The following TNRC6A variants were observed in gnomAD, a reference collection of about 807,000 sequenced individuals.
TNRC6A encodes the protein trinucleotide repeat-containing gene 6A protein.
TNRC6A carries 44 observed loss-of-function variants against 221.2 expected under a neutral mutation model. The observed-to-expected ratio is 0.20, with a 90% CI of 0.16 to 0.26. The LOEUF is 0.26. Ranked by LOEUF, TNRC6A falls within the 10% of genes least tolerant of loss-of-function variation. TNRC6A has a pLI of 1.00. For synonymous variants in TNRC6A, 847 were observed against 838.5 expected (o/e 1.01, Z -0.18); for missense variants, 2,199 against 2,404.4 (o/e 0.91, Z 1.79).
chr16:24,815,864 A>G (rs1002855400), intron 19 of TNRC6A: 1 of 157,152 alleles, frequency 6.4e-6, no homozygotes, highest in Admixed American at 6.0e-5. Flanking sequence ...AAAAACTTTA[A>G]TTCGCTGTTT....
At chr16:24,623,738 A>T (rs901611441) in intron 1 of TNRC6A, among the ~76,000 whole-genome samples, 2 of 151,576 alleles carry the variant, frequency 1.3e-5, no homozygotes, top group Non-Finnish European at 2.9e-5. Flanking sequence ...AAAAATTAAA[A>T]TAAAATAAAA....
intron 18 of TNRC6A, among the ~76,000 whole-genome samples, chr16:24,814,401 T>TTTC (rs1555510312): frequency 4.5e-4 from 57 of 125,610 alleles, no homozygotes; most frequent in Non-Finnish European, 7.2e-4. Context: ...TTCTTTTCTT[T>TTTC]TTTTTTTCTT....
At chr16:24,738,848 T>G (rs1303521745) in intron 2 of TNRC6A, among the ~76,000 whole-genome samples, 2 of 152,178 alleles carry the variant, frequency 1.3e-5, no homozygotes, top group Non-Finnish European at 2.9e-5. Context: ...GTTTAACTTT[T>G]GTTTGTGTTG....
chr16:24,766,755 C>A (rs189214243), intron 4 of TNRC6A, among the ~76,000 whole-genome samples: 1 of 149,058 alleles, frequency 6.7e-6, no homozygotes, highest in African/African-American at 2.5e-5. Context: ...CAGCTCACTG[C>A]AACCTCCACC....
rs142756394 is a variant in TNRC6A, at chr16:24,663,875, A to G, written n.402+22866A>G. 1,157 of 455,862 alleles carry G rather than the reference A, an allele frequency of 2.5e-3. 11 individuals are homozygous for G. Among genetic ancestry groups the G allele is most frequent in the African/African-American group, 0.02 (983 of 50,178 alleles). The allele number at this position is 455,862 out of a possible 1,614,324, so 28.2% of individuals were successfully genotyped here. The stretch of plus-strand genomic sequence containing the variant: ...TACCCGGCATGGCCCAAGGCCCCAG[A>G]TATACAGAAGCCCTCTTATCAGGCA... On this transcript the variant is annotated intron_variant and non_coding_transcript_variant, in intron 2 of 2. Coordinates refer to the TNRC6A transcript ENST00000566108.
chr16:24,764,672 G>A (rs1228357690), intron 4 of TNRC6A, among the ~76,000 whole-genome samples: 3 of 151,906 alleles, frequency 2.0e-5, no homozygotes, highest in African/African-American at 4.8e-5. Context: ...TCCATATCTT[G>A]GCCATTGTGA....
At chr16:24,669,911 T>C (rs1384977667) in intron 2 of TNRC6A, among the ~76,000 whole-genome samples, 4 of 149,154 alleles carry the variant, frequency 2.7e-5, no homozygotes. Context: ...CCACTCATTT[T>C]GTTCTCGTTA....
intron 5 of TNRC6A, among the ~76,000 whole-genome samples, chr16:24,780,914 T>C (rs2057827915): frequency 1.3e-5 from 2 of 152,120 alleles, no homozygotes; most frequent in Non-Finnish European, 1.5e-5. Flanking sequence ...CATTGGGCTT[T>C]TAGCACGGTG....
chr16:24,723,016 G>A (rs1483426234), intron 2 of TNRC6A, among the ~76,000 whole-genome samples: 2 of 152,100 alleles, frequency 1.3e-5, no homozygotes, highest in Non-Finnish European at 2.9e-5. Context: ...GGTCCATATA[G>A]GGTGTTGGTT....
At chr16:24,679,874 G>T (rs2055496665) in intron 2 of TNRC6A, among the ~76,000 whole-genome samples, 1 of 152,092 alleles carries the variant, frequency 6.6e-6, no homozygotes, top group Non-Finnish European at 1.5e-5. Flanking sequence ...CTCCCAAAGT[G>T]CTGAGATTAC....
At chr16:24,777,870 G>C (rs556502943) in intron 5 of TNRC6A, among the ~76,000 whole-genome samples, 1 of 152,238 alleles carries the variant, frequency 6.6e-6, no homozygotes, top group South Asian at 2.1e-4. Flanking sequence ...ATTTGTCTCA[G>C]AGTGGCTTCT....
intron 1 of TNRC6A, among the ~76,000 whole-genome samples, chr16:24,621,759 C>T (rs139596107): frequency 3.9e-5 from 6 of 152,196 alleles, no homozygotes; most frequent in African/African-American, 1.4e-4. Context: ...ACAAAAATAG[C>T]TTAATCACTA....
upstream of TNRC6A, among the ~76,000 whole-genome samples, chr16:24,727,052 G>A (rs187515596): frequency 5.6e-4 from 83 of 149,344 alleles, no homozygotes; most frequent in Admixed American, 1.5e-3. Context: ...TCCCTAAGGT[G>A]GAGTTTCACT....
At chr16:24,663,720 G>A (rs1244589217) in intron 2 of TNRC6A, 1 of 343,664 alleles carries the variant, frequency 2.9e-6, no homozygotes, top group South Asian at 2.2e-5. Flanking sequence ...CCAACCAGGG[G>A]AACTCACCTG....
chr16:24,626,915 G>C (rs928478413), intron 1 of TNRC6A, among the ~76,000 whole-genome samples: 1 of 148,676 alleles, frequency 6.7e-6, no homozygotes, highest in Non-Finnish European at 1.5e-5. Context: ...GCCTCCCAAA[G>C]TGCTGGGATT....
At chr16:24,819,727 T>C in intron 21 of TNRC6A, 1 of 197,176 alleles carries the variant, frequency 5.1e-6, no homozygotes, top group South Asian at 9.2e-5. Context: ...GCTCCTGAGT[T>C]GGGGCTCTTT....
intron 2 of TNRC6A, chr16:24,670,878 C>T (rs751125155): frequency 3.6e-6 from 1 of 274,506 alleles, no homozygotes; most frequent in Non-Finnish European, 8.0e-6. Flanking sequence ...TCTCACCTTG[C>T]CCGTTTCTCT....
intron 4 of TNRC6A, among the ~76,000 whole-genome samples, chr16:24,771,617 A>G (rs2057612283): frequency 6.7e-6 from 1 of 150,280 alleles, no homozygotes. Flanking sequence ...ATGTTATGTT[A>G]TGTTATGTTA....
At chr16:24,759,290 TTAA>T in intron 4 of TNRC6A, among the ~76,000 whole-genome samples, 1 of 152,088 alleles carries the variant, frequency 6.6e-6, no homozygotes, top group South Asian at 2.1e-4. Context: ...TCAAAGTGGG[TTAA>T]TTTATGTGCT....
Sources: allele counts gnomAD v4.1 joint callset (sites outside exome capture counted in the v4.1 genomes callset), GRCh38; gene constraint gnomAD v4.1.1; transcripts MANE v1.5; gene names NCBI Gene and HGNC (gene_info 2026-07-23, HGNC 2026-07-21).